DLD: variants seen among roughly 807,000 people sequenced by gnomAD.
DLD encodes dihydrolipoamide dehydrogenase.
DLD carries 36 observed loss-of-function variants against 62.2 expected under a neutral mutation model. The ratio of observed to expected loss-of-function variants is 0.58; its 90% CI spans 0.44 to 0.76. The LOEUF (loss-of-function observed/expected upper bound fraction) is 0.76, where lower values mean the gene tolerates loss of function less well. Among genes scored for constraint, DLD ranks in the 30% least tolerant of loss-of-function variants. The pLI, the probability that DLD is intolerant of heterozygous loss-of-function variation, is 0.00. For synonymous variants in DLD, 204 were observed against 199.6 expected, an observed-to-expected ratio of 1.02 and a Z score of -0.19; for missense variants, 541 against 608.6, an observed-to-expected ratio of 0.89 and a Z score of 1.17.
At chr7:107,897,901 C>T (rs761523270) in intron 2 of DLD, among the ~76,000 whole-genome samples, 1 of 152,104 alleles carries the variant, frequency 6.6e-6, no homozygotes, top group Non-Finnish European at 1.5e-5. Context: ...TTGATGATTA[C>T]AATTGATTTG....
chr7:107,913,913 G>T (rs2032203301), intron 8 of DLD, among the ~76,000 whole-genome samples: 2 of 152,052 alleles, frequency 1.3e-5, no homozygotes, highest in South Asian at 4.1e-4. Context: ...CCAGTTTTTT[G>T]AGGGTTTTTA....
rs1032047869 is a variant in DLD at position 107,916,780 on chromosome 7, T to C, written c.876-14T>C. ...AGGTGTGTATTTAACATTTATACACTGTTTGTTATCTAGTATTGAAGCTGC... is the reference window on the plus strand; with the variant it reads ...AGGTGTGTATTTAACATTTATACACCGTTTGTTATCTAGTATTGAAGCTGC... On this transcript the variant is annotated splice_polypyrimidine_tract_variant and intron_variant, in intron 9 of 13. Transcript: ENST00000205402. 6.2e-7 allele frequency: 1 copy of C among 1,612,344 alleles called. No homozygotes were observed. The highest frequency in any genetic ancestry group is 1.7e-5 in the Admixed American group (1 of 59,854).
intron 7 of DLD, 151 bp from the exon 8 acceptor site, chr7:107,906,116 G>T (rs2031999974): frequency 1.7e-6 from 1 of 595,376 alleles, no homozygotes; most frequent in East Asian, 2.9e-5. Context: ...ATGTGTACAT[G>T]TTCAGTACAG....
In DLD at chr7:107,919,608, G is replaced by A. The variant is rs1402853595; in HGVS notation, c.*349G>A. 1.4e-5 allele frequency: 3 copies of A among 217,182 alleles called. No homozygotes were observed. The highest frequency in any genetic ancestry group is 2.8e-5 in the Non-Finnish European group (3 of 108,980). The allele number at this position is 217,182 out of a possible 1,614,324, so 13.5% of individuals were successfully genotyped here. A position where few individuals can be genotyped will look rare whatever the true frequency, so the allele number is the denominator to read the frequency against. On this transcript the variant is annotated 3_prime_UTR_variant, in exon 14 of 14. Coordinates refer to ENST00000205402, the MANE Select transcript of DLD (RefSeq NM_000108.5). ...CAGAAAAGTTGAATTTTACATGGCT[G>A]GAGCTAGAATTTGATATGTGAACAG... is the stretch of plus-strand genomic sequence containing the variant.
Position 107,919,834 on chromosome 7 carries a change from G to A in DLD, c.*575G>A, listed in dbSNP as rs1297273896. The A allele has an allele frequency of 6.5e-6, 1 of 153,268 alleles. No individual in the cohort carries two copies. The highest frequency in any genetic ancestry group is 1.5e-5 in the Non-Finnish European group (1 of 68,784). The allele number at this position is 153,268 out of a possible 1,614,324, so 9.5% of individuals were successfully genotyped here. ...AAGAGGTTTTAAAGCTTCCATTGTTGTCTGCAACTCTGAAGGGTAATTATA... is the reference window on the plus strand; with the variant it reads ...AAGAGGTTTTAAAGCTTCCATTGTTATCTGCAACTCTGAAGGGTAATTATA... On this transcript the variant is annotated 3_prime_UTR_variant, in exon 14 of 14. Coordinates refer to ENST00000205402, the MANE Select transcript of DLD (RefSeq NM_000108.5).
At chr7:107,917,521 G>A (rs1192036727) in intron 11 of DLD, 59 bp downstream of exon 11, 2 of 1,501,260 alleles carry the variant, frequency 1.3e-6, no homozygotes, top group Non-Finnish European at 1.9e-6. Flanking sequence ...TGACATTGGT[G>A]GTTGAGAAAC....
intron 8 of DLD, among the ~76,000 whole-genome samples, chr7:107,910,598 A>C (rs554408111): frequency 6.6e-6 from 1 of 152,310 alleles, no homozygotes; most frequent in South Asian, 2.1e-4. Context: ...GAACAGATTT[A>C]AATTTGAATT....
At chr7:107,897,663 C>G (rs2031761975) in intron 2 of DLD, among the ~76,000 whole-genome samples, 1 of 149,274 alleles carries the variant, frequency 6.7e-6, no homozygotes, top group Non-Finnish European at 1.5e-5. Context: ...ACTGCAACTT[C>G]CACCTCCCGG....
chr7:107,909,152 C>T (rs180833445), intron 8 of DLD, among the ~76,000 whole-genome samples: 16 of 152,164 alleles, frequency 1.1e-4, no homozygotes, highest in Admixed American at 4.6e-4. Context: ...ACATTTTTTT[C>T]GCATTTGGAA....
chr7:107,891,529 A>C, intron 1 of DLD: 14 of 590,114 alleles, frequency 2.4e-5, no homozygotes, highest in South Asian at 3.9e-5. Context: ...GGGTTGTGTG[A>C]CGGCCGGCGG....
At chr7:107,916,669 T>C (rs1351220428) in intron 9 of DLD, 125 bp from the exon 10 acceptor site, 3 of 1,071,336 alleles carry the variant, frequency 2.8e-6, no homozygotes, top group Non-Finnish European at 4.3e-6. Flanking sequence ...AGACTCTGTC[T>C]CAAAAACAAA....
chr7:107,916,642 A>G lies in DLD; in HGVS notation c.876-152A>G. ...AGCCGAGATTGCACCACTGTACTCC[A>G]GTCTGGCGACAGAGCAAGACTCTGT... On this transcript the variant is annotated intron_variant, in intron 9 of 13. Transcript: ENST00000205402. 3 of 778,790 alleles carry G rather than the reference A, an allele frequency of 3.9e-6. 1 individual carries two copies. In the South Asian group the frequency reaches 4.7e-5, roughly 12 times the overall value. The allele number at this position is 778,790 out of a possible 1,614,324, so 48.2% of individuals were successfully genotyped here. A position where few individuals can be genotyped will look rare whatever the true frequency, so the allele number is the denominator to read the frequency against.
chr7:107,901,675 A>G (rs528108308), intron 2 of DLD, 63 bp from the exon 3 acceptor site: 3 of 1,364,618 alleles, frequency 2.2e-6, no homozygotes, highest in African/African-American at 1.4e-5. Flanking sequence ...TGCTCTTCCA[A>G]AGAGCTCTTT....
At chr7:107,908,156 T>TC (rs2032052966) in intron 8 of DLD, among the ~76,000 whole-genome samples, 1 of 149,554 alleles carries the variant, frequency 6.7e-6, no homozygotes, top group East Asian at 1.9e-4. Flanking sequence ...TGTTTTTCTT[T>TC]TTTTTTTTTT....
rs2158835 is a variant in DLD, at chr7:107,920,237, T to C, written c.*978T>C. ...TTAATGACTGTTTATTTAAAGAGTG[T>C]TGTAAAATTGGATGTGTGGTGTTTA... On this transcript the variant is annotated 3_prime_UTR_variant, in exon 14 of 14. Coordinates refer to ENST00000205402, the MANE Select transcript of DLD (RefSeq NM_000108.5). 100,423 of 152,192 alleles carry C rather than the reference T, an allele frequency of 0.66. 33,943 individuals carry two copies. Among genetic ancestry groups the C allele is most frequent in the East Asian group, 0.84 (4,480 of 5,318 alleles). 9.4% of individuals were successfully genotyped at this position (152,192 alleles called of 1,614,324 possible). A position where few individuals can be genotyped will look rare whatever the true frequency, so the allele number is the denominator to read the frequency against.
At chr7:107,897,530 G>T (rs1395768627) in intron 2 of DLD, among the ~76,000 whole-genome samples, 1 of 151,300 alleles carries the variant, frequency 6.6e-6, no homozygotes, top group Admixed American at 6.6e-5. Context: ...TCACTAACTG[G>T]CACATTTTAA....
At chr7:107,904,604 CTTTA>C in intron 5 of DLD, 1 of 424,184 alleles carries the variant, frequency 2.4e-6, no homozygotes, top group Non-Finnish European at 4.6e-6. Context: ...TAGCATTTTC[CTTTA>C]TTTAAAATTT....
At chr7:107,915,799 A>G in intron 9 of DLD, 103 bp downstream of exon 9, 1 of 1,017,158 alleles carries the variant, frequency 9.8e-7, no homozygotes, top group South Asian at 1.4e-5. Flanking sequence ...TTTCTAACTT[A>G]AGGTCATTTT....
At chr7:107,898,748 G>A (rs914596470) in intron 2 of DLD, among the ~76,000 whole-genome samples, 5 of 151,218 alleles carry the variant, frequency 3.3e-5, no homozygotes, top group African/African-American at 1.2e-4. Flanking sequence ...CTGCCACCAC[G>A]CCCGGCTAAT....
Sources: gnomAD v4.1 joint callset for allele counts (sites outside exome capture counted in the v4.1 genomes callset) on GRCh38, gnomAD v4.1.1 for gene constraint, MANE v1.5 for transcripts, NCBI Gene and HGNC (gene_info 2026-07-23, HGNC 2026-07-21) for gene names.